ONECUT3: variants seen among roughly 807,000 people sequenced by gnomAD.
ONECUT3 encodes the protein one cut homeobox 3.
A neutral mutation model predicts 16.8 loss-of-function variants in ONECUT3; 11 were observed. The ratio of observed to expected loss-of-function variants is 0.66; its 90% confidence interval spans 0.41 to 1.09. The LOEUF (loss-of-function observed/expected upper bound fraction) is 1.09, where lower values mean the gene tolerates loss of function less well. Ranked by LOEUF, ONECUT3 falls within the 50% of genes least tolerant of loss-of-function variation. The pLI, the probability that ONECUT3 is intolerant of heterozygous loss-of-function variation, is 0.00. For missense variants in ONECUT3, 637 were observed against 629.9 expected (o/e 1.01, Z -0.12); for synonymous variants, 344 against 310.7 (o/e 1.11, Z -1.13).
At position 1,759,032 on chromosome 19, in the gene ONECUT3, G is replaced by A. The variant is rs1459843933; in HGVS notation, c.1192+4178G>A. 6.6e-6 allele frequency among the ~76,000 whole-genome samples: 1 copy of A among 152,160 alleles called. No individual in the cohort carries two copies. Among genetic ancestry groups the A allele is most frequent in the African/African-American group, 2.4e-5 (1 of 41,442 alleles). On this transcript the variant is annotated intron_variant, in intron 1 of 1. Transcript: ENST00000382349. This position sits in a 1 kb window ranked among gnomAD's most constrained non-coding sequence, Gnocchi z 4.1. The stretch of plus-strand genomic sequence containing the variant: ...GGGGAGGCAGGAGCCCAGAATCCCT[G>A]AGGGATGGTGGAGCCCAGCATGGAG...
chr19:1,765,161 C>T (rs1292602388), intron 1 of ONECUT3, among the ~76,000 whole-genome samples: 1 of 152,148 alleles, frequency 6.6e-6, no homozygotes, highest in Non-Finnish European at 1.5e-5. Flanking sequence ...GGGCATTGCC[C>T]AGCTGGTCTC....
rs1234953692 is a variant in ONECUT3 at position 1,764,208 on chromosome 19, T to C, written c.1192+9354T>C. Among the ~76,000 whole-genome samples the C allele has an allele frequency of 6.6e-6, 1 of 152,190 alleles. No homozygotes were observed. On this transcript the variant is annotated intron_variant, in intron 1 of 1. Coordinates refer to ENST00000382349, the MANE Select transcript of ONECUT3 (RefSeq NM_001080488.2). The surrounding 1 kb of genome is among the most constrained non-coding windows in gnomAD (Gnocchi z 5.0). ...GGCTTTGCTCCTGTTTGAGGGTGCC[T>C]GAATGGGGTGGGTCTCTGTAGCTGA...
chr19:1,775,126 G>GGGCCGCCCCC, intron 1 of ONECUT3, 27 bp from the exon 2 acceptor site: 1 of 1,143,898 alleles, frequency 8.7e-7, no homozygotes, highest in Non-Finnish European at 1.2e-6. Context: ...TGTCCCGCTC[G>GGGCCGCCCCC]CCCGCCCGCC....
chr19:1,769,364 T>A (rs1289862361), intron 1 of ONECUT3, among the ~76,000 whole-genome samples: 1 of 151,716 alleles, frequency 6.6e-6, no homozygotes, highest in Non-Finnish European at 1.5e-5. Flanking sequence ...GGAGACCTCA[T>A]TGGAGGCTGG....
rs1249393348 is a variant in ONECUT3 at position 1,766,065 on chromosome 19, G to A, written c.1193-9088G>A. 7.2e-5 allele frequency among the ~76,000 whole-genome samples: 11 copies of A among 152,324 alleles called. No homozygotes were observed. The highest frequency in any genetic ancestry group is 3.9e-4 in the Admixed American group (6 of 15,312). ...CCCACAAGCTGATGCCGGTTTTCCC[G>A]CCCAGAACTGGAACAGCTTTCCTAA... On this transcript the variant is annotated intron_variant, in intron 1 of 1. Transcript: ENST00000382349. This position sits in a 1 kb window ranked among gnomAD's most constrained non-coding sequence, Gnocchi z 4.0.
Position 1,754,317 on chromosome 19 carries a change from C to A in ONECUT3, c.655C>A (p.Pro219Thr), listed in dbSNP as rs1268597854. ...GCACGGCGCCCCGCAGCCCCCGCCG[C>A]CGCCACCACCCCCGCCGCTGGCCGC... ...ALHGAPQPPPPPPPPPLAAYG... is the reference protein window; with the variant it reads ...ALHGAPQPPPTPPPPPLAAYG... Residue 219 changes from proline (P) to threonine (T), a missense_variant, in exon 1 of 2, where the codon CCG (proline) becomes ACG (threonine). Physicochemically the swap from Pro to Thr is conservative, Grantham distance 38. Around this residue, in one of 3 missense-constraint regions of ONECUT3, gnomAD observed 419 missense variants for 377.9 expected, o/e 1.11. Transcript: ENST00000382349. The surrounding 1 kb of genome is among the most constrained non-coding windows in gnomAD (Gnocchi z 7.4). The A allele has an allele frequency of 9.5e-7, 1 of 1,052,454 alleles. No individual in the cohort carries two copies. The highest frequency in any genetic ancestry group is 1.1e-6 in the Non-Finnish European group (1 of 878,700). 65.2% of individuals were successfully genotyped at this position (1,052,454 alleles called of 1,614,324 possible).
chr19:1,754,600 G>A lies in ONECUT3; in HGVS notation c.938G>A (p.Ser313Asn). The part of the protein sequence containing the change: ...GGPGGSGGGP[S>N]AGAAAEEINT... ...CCCGGCGGGAGCGGCGGCGGCCCCAGCGCGGGCGCAGCGGCCGAGGAGATC... is the reference window on the plus strand; with the variant it reads ...CCCGGCGGGAGCGGCGGCGGCCCCAACGCGGGCGCAGCGGCCGAGGAGATC... Residue 313 changes from serine to asparagine, a missense_variant, in exon 1 of 2, where the codon AGC becomes AAC. This residue lies in a region of ONECUT3 where 419 missense variants were observed against 377.9 expected (regional missense o/e 1.11). Coordinates refer to ENST00000382349, the MANE Select transcript of ONECUT3 (RefSeq NM_001080488.2). The surrounding 1 kb of genome is among the most constrained non-coding windows in gnomAD (Gnocchi z 7.4). The A allele has an allele frequency of 7.4e-7, 1 of 1,352,546 alleles. No individual in the cohort carries two copies. The highest frequency in any genetic ancestry group is 9.6e-7 in the Non-Finnish European group (1 of 1,041,686). The allele number at this position is 1,352,546 out of a possible 1,614,324, so 83.8% of individuals were successfully genotyped here.
Position 1,762,470 on chromosome 19 carries a change from C to T in ONECUT3, c.1192+7616C>T, listed in dbSNP as rs190196918. ...ACCTGCTGGGGGGATGACTGTGCCT[C>T]AGTTTCCATCACCCAGCAAACGCCG... On this transcript the variant is annotated intron_variant, in intron 1 of 1. Coordinates refer to ENST00000382349, the MANE Select transcript of ONECUT3 (RefSeq NM_001080488.2). The surrounding 1 kb of genome is among the most constrained non-coding windows in gnomAD (Gnocchi z 4.4). Among the ~76,000 whole-genome samples the T allele has an allele frequency of 8.9e-4, 135 of 152,382 alleles. No homozygotes were observed. The highest frequency in any genetic ancestry group is 2.9e-3 in the African/African-American group (122 of 41,592).
Position 1,780,527 on chromosome 19 carries a change from G to A in ONECUT3, c.*5082G>A, listed in dbSNP as rs926328857. The A allele has an allele frequency of 7.0e-6, 1 of 142,574 alleles. No individual in the cohort carries two copies. The highest frequency in any genetic ancestry group is 1.5e-5 in the Non-Finnish European group (1 of 65,622). The allele number at this position is 142,574 out of a possible 1,614,324, so 8.8% of individuals were successfully genotyped here. The stretch of plus-strand genomic sequence containing the variant: ...GCCGCTTTTGGGACAGGCCCCAGTA[G>A]GGGGGGGCGGGGTAGCTAAACGGGG... On this transcript the variant is annotated 3_prime_UTR_variant, in exon 2 of 2. Transcript: ENST00000382349.
chr19:1,769,780 A>G (rs974530180), intron 1 of ONECUT3, among the ~76,000 whole-genome samples: 3 of 151,934 alleles, frequency 2.0e-5, no homozygotes, highest in African/African-American at 7.3e-5. Context: ...GGCTGTGAGG[A>G]GCTGTAATTA....
Position 1,753,852 on chromosome 19 carries a change from G to A in ONECUT3, c.190G>A (p.Gly64Ser), listed in dbSNP as rs2067901476. The A allele has an allele frequency of 1.0e-6, 1 of 973,710 alleles. No individual in the cohort carries two copies. Among genetic ancestry groups the A allele is most frequent in the Non-Finnish European group, 1.2e-6 (1 of 822,228 alleles). The allele number at this position is 973,710 out of a possible 1,614,324, so 60.3% of individuals were successfully genotyped here. The change falls in exon 1 of 2, where the codon GGC (glycine) becomes AGC (serine). Residue 64 changes from glycine (G) to serine (S), a missense_variant. By Grantham distance (56) the Gly-to-Ser change is moderately conservative. Transcript: ENST00000382349. ...LDGGGGGGGGGAGGAGGAGSA... is the reference protein window; with the variant it reads ...LDGGGGGGGGSAGGAGGAGSA... ...CGGCGGCGGCGGCGGCGGCGGTGGG[G>A]GCGCCGGGGGCGCGGGCGGCGCGGG...
Position 1,780,006 on chromosome 19 carries a change from C to T in ONECUT3, c.*4561C>T, listed in dbSNP as rs995746261. 5.9e-5 allele frequency: 9 copies of T among 153,558 alleles called. No individual in the cohort carries two copies. The highest frequency in any genetic ancestry group is 3.9e-4 in the East Asian group (2 of 5,192). 9.5% of individuals were successfully genotyped at this position (153,558 alleles called of 1,614,324 possible). ...TAGACCCCCCCAACCCCCCATCACC[C>T]GGTTGCTTTCACTCTAGCATGAATT... On this transcript the variant is annotated 3_prime_UTR_variant, in exon 2 of 2. Coordinates refer to ENST00000382349, the MANE Select transcript of ONECUT3 (RefSeq NM_001080488.2).
rs367894628 is a variant in ONECUT3 at position 1,776,482 on chromosome 19, G to C, written c.*1037G>C. The C allele has an allele frequency of 1.1e-3, 166 of 147,768 alleles. 1 individual carries two copies. Among genetic ancestry groups the C allele is most frequent in the Middle Eastern group, 6.8e-3 (2 of 294 alleles). 9.2% of individuals were successfully genotyped at this position (147,768 alleles called of 1,614,324 possible). ...GTCAGGGTCTGAACTGGGCTTGCAG[G>C]GGGGCAGCGGGGTTGAACGTGGTGT... On this transcript the variant is annotated 3_prime_UTR_variant, in exon 2 of 2. Transcript: ENST00000382349. The surrounding 1 kb of genome is among the most constrained non-coding windows in gnomAD (Gnocchi z 4.9).
intron 1 of ONECUT3, among the ~76,000 whole-genome samples, chr19:1,774,295 T>C (rs955590751): frequency 6.6e-6 from 1 of 152,018 alleles, no homozygotes; most frequent in African/African-American, 2.4e-5. Flanking sequence ...AGCTTGGTTG[T>C]CACAGCCAGT....
chr19:1,763,382 A>AAAAAAAT (rs2067957733), intron 1 of ONECUT3, among the ~76,000 whole-genome samples: 5 of 131,280 alleles, frequency 3.8e-5, no homozygotes, highest in Admixed American at 3.8e-4. Flanking sequence ...AAAAAAAAAA[A>AAAAAAAT]AAAAAAAAAA....
intron 1 of ONECUT3, among the ~76,000 whole-genome samples, chr19:1,761,667 C>A (rs547835370): frequency 2.0e-5 from 3 of 152,268 alleles, no homozygotes; most frequent in South Asian, 4.1e-4. Context: ...GAATCAAGTT[C>A]TTAATTAAAT....
intron 1 of ONECUT3, among the ~76,000 whole-genome samples, chr19:1,769,694 C>A (rs1025269332): frequency 1.3e-5 from 2 of 152,054 alleles, no homozygotes; most frequent in African/African-American, 4.8e-5. Context: ...CCAACTCACA[C>A]CTCTGTCAGC....
intron 1 of ONECUT3, among the ~76,000 whole-genome samples, chr19:1,773,313 T>C (rs1324384642): frequency 2.0e-5 from 3 of 151,854 alleles, no homozygotes; most frequent in Non-Finnish European, 4.4e-5. Flanking sequence ...GACGCTTTTC[T>C]AAAATGTGCA....
In ONECUT3 at chr19:1,759,626, G is replaced by A. The variant is rs190639740; in HGVS notation, c.1192+4772G>A. 3.0e-3 allele frequency among the ~76,000 whole-genome samples: 459 copies of A among 152,288 alleles called. 6 individuals carry two copies. Among genetic ancestry groups the A allele is most frequent in the African/African-American group, 0.011 (440 of 41,552 alleles). On this transcript the variant is annotated intron_variant, in intron 1 of 1. Transcript: ENST00000382349. The surrounding 1 kb of genome is among the most constrained non-coding windows in gnomAD (Gnocchi z 4.1). ...ACACCCCCAGAAAAATATGCCCCAC[G>A]CCACTAGACAGTAGAGATAACCAAG... is the stretch of plus-strand genomic sequence containing the variant.
Sources: allele counts gnomAD v4.1 joint callset (sites outside exome capture counted in the v4.1 genomes callset), GRCh38; gene constraint gnomAD v4.1.1; regional missense constraint gnomAD v4.1.1; non-coding constraint Gnocchi (gnomAD v3.1); transcripts MANE v1.5; gene names NCBI Gene and HGNC (gene_info 2026-07-23, HGNC 2026-07-21).